The following ADCY3 variants were observed in gnomAD, a reference collection of about 807,000 sequenced individuals.
ADCY3 encodes the protein adenylate cyclase 3.
A neutral mutation model predicts 119.4 loss-of-function variants in ADCY3; 70 were observed. That is an observed-to-expected ratio of 0.59 (90% CI 0.48 to 0.72). ADCY3 has a LOEUF of 0.72. Ranked by LOEUF, ADCY3 falls within the 30% of genes least tolerant of loss-of-function variation. The pLI is 0.00. For synonymous variants in ADCY3, 672 were observed against 621.4 expected, an observed-to-expected ratio of 1.08 and a Z score of -1.21; for missense variants, 1,238 against 1,541.6, an observed-to-expected ratio of 0.80 and a Z score of 3.30.
At chr2:24,833,902 AG>A (rs1276959805) in intron 11 of ADCY3, among the ~76,000 whole-genome samples, 1 of 152,258 alleles carries the variant, frequency 6.6e-6, no homozygotes, top group Non-Finnish European at 1.5e-5. Flanking sequence ...TAATCCCAGC[AG>A]GGTTCCAGAC....
chr2:24,893,279 G>A (rs1677911305), intron 2 of ADCY3, among the ~76,000 whole-genome samples: 1 of 152,144 alleles, frequency 6.6e-6, no homozygotes, highest in Admixed American at 6.5e-5. Context: ...GCTGAGGGAG[G>A]AGAATCACTT....
intron 3 of ADCY3, among the ~76,000 whole-genome samples, chr2:24,871,337 G>A (rs182320257): frequency 1.6e-4 from 25 of 152,238 alleles, no homozygotes; most frequent in Admixed American, 5.2e-4. Context: ...GGGCCCAGGG[G>A]AAGGGGCGAA....
At chr2:24,901,685 C>T (rs548461282) in intron 2 of ADCY3, among the ~76,000 whole-genome samples, 3 of 151,608 alleles carry the variant, frequency 2.0e-5, no homozygotes, top group African/African-American at 4.8e-5. Flanking sequence ...TGGCTAACAC[C>T]GGTGGTCCTA....
rs557677251 is a variant in ADCY3 at position 24,819,902 on chromosome 2, C to T, written c.*30G>A. The T allele has an allele frequency of 5.6e-5, 90 of 1,602,066 alleles. 1 individual carries two copies. The highest frequency in any genetic ancestry group is 5.4e-4 in the Admixed American group (31 of 57,244). ...GTTTCAAAAAATAAATTCTCCCTTC[C>T]GGTTTGGACTGTTGCAGGCTCGAGG... is the stretch of plus-strand genomic sequence containing the variant. On this transcript the variant is annotated 3_prime_UTR_variant, in exon 22 of 22. Coordinates refer to ENST00000679454, the MANE Select transcript of ADCY3 (RefSeq NM_004036.5).
At chr2:24,848,448 C>T (rs1671906600) in intron 3 of ADCY3, among the ~76,000 whole-genome samples, 1 of 152,180 alleles carries the variant, frequency 6.6e-6, no homozygotes, top group African/African-American at 2.4e-5. Context: ...CTGTTCGGGG[C>T]TCTCAGCTCT....
intron 2 of ADCY3, among the ~76,000 whole-genome samples, chr2:24,893,541 G>T (rs1159617853): frequency 6.6e-6 from 1 of 152,000 alleles, no homozygotes; most frequent in African/African-American, 2.4e-5. Flanking sequence ...TATTTAAGAT[G>T]AGTTTCTTTA....
At chr2:24,858,119 C>T (rs1365280085) in intron 3 of ADCY3, among the ~76,000 whole-genome samples, 1 of 151,756 alleles carries the variant, frequency 6.6e-6, no homozygotes, top group Non-Finnish European at 1.5e-5. Flanking sequence ...CCGCCTCAGC[C>T]TCCCAAGTAG....
At chr2:24,840,263 C>T (rs540927315) in intron 6 of ADCY3, among the ~76,000 whole-genome samples, 1 of 152,354 alleles carries the variant, frequency 6.6e-6, no homozygotes. Context: ...CCTCCCTATC[C>T]CCACTTCCCG....
Position 24,836,974 on chromosome 2 carries a change from G to T in ADCY3, c.1605C>A (p.Asn535Lys). 1 of 1,614,024 alleles carries T rather than the reference G, an allele frequency of 6.2e-7. No individual in the cohort carries two copies. Among genetic ancestry groups the T allele is most frequent in the Non-Finnish European group, 8.5e-7 (1 of 1,180,034 alleles). Reference sequence around the variant, plus strand: ...TGGACCCACTGCTGTGGGCACTCCCGTTGGGCTCCTTGGTCTCAATGAGGG... The same window carrying T: ...TGGACCCACTGCTGTGGGCACTCCCTTTGGGCTCCTTGGTCTCAATGAGGG... ...SPALIETKEPNGSAHSSGSTS... is the reference protein window; with the variant it reads ...SPALIETKEPKGSAHSSGSTS... The change falls in exon 9 of 22, where the codon AAC (asparagine) becomes AAA (lysine). Residue 535 changes from asparagine to lysine, a missense_variant. Asn to Lys is a moderately conservative substitution (Grantham distance 94, BLOSUM62 0). Transcript: ENST00000679454.
intron 19 of ADCY3, chr2:24,822,307 AG>A: frequency 1.5e-6 from 1 of 652,126 alleles, no homozygotes; most frequent in Non-Finnish European, 2.5e-6. Context: ...TGTGAACAGC[AG>A]GGGGTTGTGT....
At chr2:24,840,718 C>T (rs1572857518) in intron 6 of ADCY3, 2 of 356,498 alleles carry the variant, frequency 5.6e-6, no homozygotes, top group Non-Finnish European at 1.2e-5. Context: ...GCTGCAAGCC[C>T]ACTTGGAGCA....
intron 19 of ADCY3, 51 bp from the exon 20 acceptor site, chr2:24,821,691 C>T: frequency 1.3e-6 from 2 of 1,597,946 alleles, no homozygotes; most frequent in Non-Finnish European, 1.7e-6. Flanking sequence ...ACTGCAGCAG[C>T]CTGCTCTGCT....
At chr2:24,916,353 A>G (rs964254018) in intron 2 of ADCY3, among the ~76,000 whole-genome samples, 1 of 152,134 alleles carries the variant, frequency 6.6e-6, no homozygotes, top group African/African-American at 2.4e-5. Flanking sequence ...GAGGAGATGG[A>G]GCTAGAGAGA....
At chr2:24,874,675 G>A (rs934454379) in intron 2 of ADCY3, among the ~76,000 whole-genome samples, 1 of 152,184 alleles carries the variant, frequency 6.6e-6, no homozygotes, top group Non-Finnish European at 1.5e-5. Context: ...TGTCAGGGCT[G>A]GAGGGAGCTT....
intron 2 of ADCY3, among the ~76,000 whole-genome samples, chr2:24,916,595 T>C (rs1444905416): frequency 6.6e-6 from 1 of 152,090 alleles, no homozygotes; most frequent in Non-Finnish European, 1.5e-5. Flanking sequence ...GGCAGAAGAA[T>C]AGCTTGAACC....
Position 24,899,770 on chromosome 2 carries a change from A to ATGTATCT in ADCY3, c.675+18542_675+18543insAGATACA, listed in dbSNP as rs1217036225. Among the ~76,000 whole-genome samples the ATGTATCT allele has an allele frequency of 3.9e-5, 6 of 152,226 alleles. No individual in the cohort carries two copies. Among genetic ancestry groups the ATGTATCT allele is most frequent in the African/African-American group, 1.4e-4 (6 of 41,462 alleles). ...ATGTATCTGTCCTAAATGTGCATAGAGTCACATAAATATGCAATTCACAGA... is the reference window on the plus strand; with the variant it reads ...ATGTATCTGTCCTAAATGTGCATAGATGTATCTGTCACATAAATATGCAATTCACAGA... On this transcript the variant is annotated intron_variant, in intron 2 of 21. Coordinates refer to ENST00000679454, the MANE Select transcript of ADCY3 (RefSeq NM_004036.5). The surrounding 1 kb of genome is among the most constrained non-coding windows in gnomAD (Gnocchi z 4.5).
rs1407861731 is a variant in ADCY3 at position 24,872,202 on chromosome 2, T to C, written c.825+368A>G. Among the ~76,000 whole-genome samples, 7 of 152,226 alleles carry C rather than the reference T, an allele frequency of 4.6e-5. No individual in the cohort carries two copies. Among genetic ancestry groups the C allele is most frequent in the Non-Finnish European group, 2.9e-5 (2 of 68,036 alleles). On this transcript the variant is annotated intron_variant, in intron 3 of 21. Transcript: ENST00000679454. The surrounding 1 kb of genome is among the most constrained non-coding windows in gnomAD (Gnocchi z 4.4). The stretch of plus-strand genomic sequence containing the variant: ...GGAATGCCCGTGATGCCCCTGACCC[T>C]GACCTTGGTCCCGAGAAGGTCATCT...
Position 24,872,581 on chromosome 2 carries a change from T to C in ADCY3, c.814A>G (p.Ser272Gly). The stretch of plus-strand genomic sequence containing the variant: ...CCCGAGAGCCTCACCTGCTGCTGGC[T>C]CTGCTCTTCCAGGTTCATCTTCACC... ...LEVKMNLEEQSQQQENLMLSI... is the reference protein window; with the variant it reads ...LEVKMNLEEQGQQQENLMLSI... Residue 272 changes from serine to glycine, a missense_variant, in exon 3 of 22, where the codon AGC (serine) becomes GGC (glycine). By Grantham distance (56) the Ser-to-Gly change is moderately conservative (BLOSUM62 0). Around this residue, in one of 7 missense-constraint regions of ADCY3, gnomAD observed 283 missense variants for 437.2 expected, o/e 0.65. Coordinates refer to ENST00000679454, the MANE Select transcript of ADCY3 (RefSeq NM_004036.5). The surrounding 1 kb of genome is among the most constrained non-coding windows in gnomAD (Gnocchi z 4.4). The C allele has an allele frequency of 1.2e-6, 2 of 1,614,130 alleles. No homozygotes were observed. The highest frequency in any genetic ancestry group is 1.7e-6 in the Non-Finnish European group (2 of 1,179,988).
chr2:24,876,181 G>A (rs1675689827), intron 2 of ADCY3, among the ~76,000 whole-genome samples: 1 of 152,146 alleles, frequency 6.6e-6, no homozygotes, highest in African/African-American at 2.4e-5. Context: ...GTAGAGATGG[G>A]GTCTTGCTAT....
Sources: gnomAD v4.1 joint callset for allele counts (sites outside exome capture counted in the v4.1 genomes callset) on GRCh38, gnomAD v4.1.1 for gene constraint, gnomAD v4.1.1 regional missense constraint, Gnocchi (gnomAD v3.1) non-coding constraint, MANE v1.5 for transcripts, NCBI Gene and HGNC (gene_info 2026-07-23, HGNC 2026-07-21) for gene names.